SLC10A7: variants seen among roughly 807,000 people sequenced by gnomAD.
SLC10A7 encodes the protein sodium/bile acid cotransporter 7.
Under a neutral mutation model 43.2 loss-of-function variants are expected in SLC10A7, and 29 were observed. That is an observed-to-expected ratio of 0.67 (90% confidence interval 0.50 to 0.92). SLC10A7 has a LOEUF of 0.92. Among genes scored for constraint, SLC10A7 ranks in the 40% least tolerant of loss-of-function variants. The pLI is 0.00. For missense variants in SLC10A7, 295 were observed against 403.2 expected, an observed-to-expected ratio of 0.73 and a Z score of 2.30; for synonymous variants, 152 against 144.8, an observed-to-expected ratio of 1.05 and a Z score of -0.35.
chr4:146,350,685 G>A (rs1358536617), intron 5 of SLC10A7, among the ~76,000 whole-genome samples: 1 of 94,070 alleles, frequency 1.1e-5, no homozygotes, highest in Non-Finnish European at 2.0e-5. Flanking sequence ...CTGGAGATCT[G>A]AGAACTGGCA....
intron 6 of SLC10A7, among the ~76,000 whole-genome samples, chr4:146,322,835 C>A (rs1451851081): frequency 2.0e-5 from 3 of 152,176 alleles, no homozygotes; most frequent in Non-Finnish European, 4.4e-5. Flanking sequence ...TACCATCCCA[C>A]CAACAGTGTA....
intron 1 of SLC10A7, among the ~76,000 whole-genome samples, chr4:146,520,576 T>G (rs1417243051): frequency 6.6e-6 from 1 of 152,214 alleles, no homozygotes; most frequent in Non-Finnish European, 1.5e-5. Context: ...GGACCACTGC[T>G]GTTCTCCTAA....
Position 146,481,596 on chromosome 4 carries a change from T to G in SLC10A7, c.396+22253A>C, listed in dbSNP as rs189121369. Among the ~76,000 whole-genome samples the G allele has an allele frequency of 2.0e-5, 3 of 152,246 alleles. No homozygotes were observed. The East Asian group carries it at 5.8e-4, about 29-fold the overall frequency. ...CTGGAGCACCCCTTCTTCCCAAGAG[T>G]TATGCAAGTACTATGCTGTGCCCCC... On this transcript the variant is annotated intron_variant, in intron 4 of 11. Transcript: ENST00000335472.
chr4:146,440,924 G>A (rs1730552354), intron 5 of SLC10A7, among the ~76,000 whole-genome samples: 1 of 152,168 alleles, frequency 6.6e-6, no homozygotes, highest in South Asian at 2.1e-4. Context: ...AATCACTTCT[G>A]TCAGACCTTT....
intron 5 of SLC10A7, among the ~76,000 whole-genome samples, chr4:146,428,419 T>C (rs1050596219): frequency 1.3e-5 from 2 of 152,216 alleles, no homozygotes; most frequent in Non-Finnish European, 2.9e-5. Flanking sequence ...TTCTGAATTA[T>C]GAACTCATCA....
intron 5 of SLC10A7, among the ~76,000 whole-genome samples, chr4:146,423,286 T>C (rs955297356): frequency 2.0e-5 from 3 of 152,216 alleles, no homozygotes; most frequent in African/African-American, 7.2e-5. Flanking sequence ...CCTAGGTCTA[T>C]TTAACAAGTC....
At chr4:146,416,700 C>A (rs1159379873) in intron 5 of SLC10A7, among the ~76,000 whole-genome samples, 1 of 152,182 alleles carries the variant, frequency 6.6e-6, no homozygotes, top group Admixed American at 6.5e-5. Context: ...TCAGAACTTA[C>A]AAATGTCTTC....
chr4:146,320,708 T>C (rs560560346), intron 6 of SLC10A7, among the ~76,000 whole-genome samples: 1 of 152,220 alleles, frequency 6.6e-6, no homozygotes, highest in South Asian at 2.1e-4. Flanking sequence ...TAAAGCATAC[T>C]GTTAAAAAGA....
chr4:146,421,580 C>T (rs897958882), intron 5 of SLC10A7, among the ~76,000 whole-genome samples: 1 of 152,182 alleles, frequency 6.6e-6, no homozygotes, highest in Admixed American at 6.6e-5. Context: ...TACTGTCTCA[C>T]CTAATTTCCA....
chr4:146,394,977 C>T (rs1474542083), intron 5 of SLC10A7, among the ~76,000 whole-genome samples: 1 of 152,152 alleles, frequency 6.6e-6, no homozygotes, highest in Non-Finnish European at 1.5e-5. Flanking sequence ...ATTTCTACTT[C>T]TTCCATAAAG....
At chr4:146,510,296 G>A (rs1052238511) in intron 2 of SLC10A7, among the ~76,000 whole-genome samples, 2 of 146,164 alleles carry the variant, frequency 1.4e-5, no homozygotes, top group Non-Finnish European at 3.0e-5. Flanking sequence ...GTTTTTGCTC[G>A]TCGCCCAGGC....
At chr4:146,272,555 A>G (rs1728961850) in intron 10 of SLC10A7, among the ~76,000 whole-genome samples, 1 of 152,166 alleles carries the variant, frequency 6.6e-6, no homozygotes, top group Admixed American at 6.5e-5. Flanking sequence ...GCTGTCATTA[A>G]AGACACTCAA....
chr4:146,365,290 T>C (rs924943564), intron 5 of SLC10A7, among the ~76,000 whole-genome samples: 3 of 152,212 alleles, frequency 2.0e-5, no homozygotes, highest in African/African-American at 7.2e-5. Flanking sequence ...ACTACAAATA[T>C]TTGCTTTCTT....
At chr4:146,373,423 A>G (rs1736933106) in intron 5 of SLC10A7, among the ~76,000 whole-genome samples, 1 of 151,442 alleles carries the variant, frequency 6.6e-6, no homozygotes, top group East Asian at 1.9e-4. Flanking sequence ...GCAGTGAACT[A>G]TAATTGCACC....
At chr4:146,313,908 C>A (rs1732150470) in intron 6 of SLC10A7, among the ~76,000 whole-genome samples, 1 of 152,146 alleles carries the variant, frequency 6.6e-6, no homozygotes, top group Non-Finnish European at 1.5e-5. Flanking sequence ...TTCTTCAAGG[C>A]AATTATTATG....
chr4:146,425,041 A>G (rs920180847), intron 5 of SLC10A7, among the ~76,000 whole-genome samples: 1 of 152,208 alleles, frequency 6.6e-6, no homozygotes, highest in Non-Finnish European at 1.5e-5. Context: ...TAAAGGAAAA[A>G]TGCAAATAAA....
In SLC10A7 at chr4:146,521,795, C is replaced by G. The variant is rs527385017; in HGVS notation, c.-78G>C. 12 of 1,166,250 alleles carry G rather than the reference C, an allele frequency of 1.0e-5. No individual in the cohort carries two copies. The African/African-American group carries it at 1.2e-4, about 12-fold the overall frequency. The allele number at this position is 1,166,250 out of a possible 1,614,324, so 72.2% of individuals were successfully genotyped here. On this transcript the variant is annotated 5_prime_UTR_variant, in exon 1 of 12. Transcript: ENST00000335472. Reference sequence around the variant, plus strand: ...AGCTCCGATCACCTAATCCTTGGAGCGTCTCCACACTTTCCTTGGTCCCTC... The same window carrying G: ...AGCTCCGATCACCTAATCCTTGGAGGGTCTCCACACTTTCCTTGGTCCCTC...
At chr4:146,321,633 C>T (rs1732715719) in intron 6 of SLC10A7, among the ~76,000 whole-genome samples, 1 of 152,068 alleles carries the variant, frequency 6.6e-6, no homozygotes, top group African/African-American at 2.4e-5. Context: ...GATGGGGTCT[C>T]TGTATGTTGC....
intron 2 of SLC10A7, among the ~76,000 whole-genome samples, chr4:146,511,794 A>G (rs566661339): frequency 6.6e-5 from 10 of 152,282 alleles, no homozygotes; most frequent in African/African-American, 2.4e-4. Flanking sequence ...GCTCTACTCC[A>G]GAGAAAACTT....
Sources: allele counts gnomAD v4.1 joint callset (sites outside exome capture counted in the v4.1 genomes callset), GRCh38; gene constraint gnomAD v4.1.1; transcripts MANE v1.5; gene names NCBI Gene and HGNC (gene_info 2026-07-23, HGNC 2026-07-21).